Variants in RYR2 observed in about 807,000 individuals in gnomAD.
The protein encoded by RYR2 is cardiac muscle ryanodine receptor-calcium release channel.
RYR2 carries 227 observed loss-of-function variants against 601.1 expected under a neutral mutation model. That is an observed-to-expected ratio of 0.38 (90% CI 0.34 to 0.42). The LOEUF (loss-of-function observed/expected upper bound fraction) is 0.42, where lower values mean the gene tolerates loss of function less well. RYR2 is among the 10% of genes least tolerant of loss of function. RYR2 has a pLI of 1.00. For missense variants in RYR2, 4,646 were observed against 6,156.5 expected (o/e 0.75, Z 8.21); for synonymous variants, 2,223 against 2,175.1 (o/e 1.02, Z -0.61).
At chr1:237,427,507 C>T (rs1318435525) in intron 12 of RYR2, among the ~76,000 whole-genome samples, 1 of 151,930 alleles carries the variant, frequency 6.6e-6, no homozygotes, top group East Asian at 1.9e-4. Flanking sequence ...AAAATACAAA[C>T]AGGCCAGGTG....
intron 1 of RYR2, among the ~76,000 whole-genome samples, chr1:237,181,950 C>T (rs752790406): frequency 2.6e-4 from 39 of 152,064 alleles, no homozygotes; most frequent in Non-Finnish European, 4.9e-4. Flanking sequence ...AGAACGAGTA[C>T]GTGTTAAATT....
chr1:237,144,279 A>G (rs1428486276), intron 1 of RYR2, among the ~76,000 whole-genome samples: 1 of 152,212 alleles, frequency 6.6e-6, no homozygotes, highest in Non-Finnish European at 1.5e-5. Flanking sequence ...ACTCCTTAAG[A>G]AAGAGGACTC....
intron 11 of RYR2, among the ~76,000 whole-genome samples, chr1:237,422,183 A>G (rs181495246): frequency 2.6e-5 from 4 of 152,328 alleles, no homozygotes; most frequent in African/African-American, 9.6e-5. Context: ...GTGCAAAGCA[A>G]GAACAGCTTG....
In RYR2 at chr1:237,284,706, A is replaced by AC. The variant is rs572359002; in HGVS notation, c.168+14097dup. 3.6e-3 allele frequency among the ~76,000 whole-genome samples: 534 copies of AC among 148,362 alleles called. 5 individuals are homozygous for AC. The highest frequency in any genetic ancestry group is 0.012 in the African/African-American group (502 of 40,306). On this transcript the variant is annotated intron_variant, in intron 2 of 104. Coordinates refer to ENST00000366574, the MANE Select transcript of RYR2 (RefSeq NM_001035.3). Reference sequence around the variant, plus strand: ...TGTACACACACACACACCCATAAACACCCCCCCACACACACAGCACAGTTT... The same window carrying AC: ...TGTACACACACACACACCCATAAACACCCCCCCCACACACACAGCACAGTTT...
chr1:237,673,316 A>AT (rs1211345537), intron 58 of RYR2, among the ~76,000 whole-genome samples: 2 of 152,140 alleles, frequency 1.3e-5, no homozygotes, highest in East Asian at 3.9e-4. Context: ...TAACAGTTTA[A>AT]TTTTTTTATA....
chr1:237,780,874 C>T (rs1477845915), intron 88 of RYR2, among the ~76,000 whole-genome samples: 1 of 151,976 alleles, frequency 6.6e-6, no homozygotes, highest in Admixed American at 6.5e-5. Flanking sequence ...TTGATTTTTA[C>T]ATAATAGCAC....
At chr1:237,724,490 A>G (rs1440922955) in intron 74 of RYR2, among the ~76,000 whole-genome samples, 1 of 151,722 alleles carries the variant, frequency 6.6e-6, no homozygotes, top group Non-Finnish European at 1.5e-5. Context: ...ATTTATCACT[A>G]CACTTGATGA....
At chr1:237,164,338 G>A (rs1009884931) in intron 1 of RYR2, among the ~76,000 whole-genome samples, 2 of 152,224 alleles carry the variant, frequency 1.3e-5, no homozygotes, top group Non-Finnish European at 2.9e-5. Context: ...ATGCTGATTT[G>A]TTAACTGATG....
chr1:237,160,773 C>T (rs1033760809), intron 1 of RYR2, among the ~76,000 whole-genome samples: 5 of 151,454 alleles, frequency 3.3e-5, no homozygotes, highest in African/African-American at 1.2e-4. Context: ...AAAAAAAACC[C>T]AAAAGAACTA....
chr1:237,299,622 T>C (rs576237727), intron 2 of RYR2, among the ~76,000 whole-genome samples: 1 of 152,318 alleles, frequency 6.6e-6, no homozygotes, highest in East Asian at 1.9e-4. Context: ...TGGATCTAAG[T>C]ATATTATCCC....
chr1:237,691,752 G>A (rs544065067), intron 63 of RYR2, among the ~76,000 whole-genome samples: 1 of 152,256 alleles, frequency 6.6e-6, no homozygotes, highest in South Asian at 2.1e-4. Flanking sequence ...AAAGAAAATA[G>A]CTTCTTGTCT....
At chr1:237,363,126 C>T (rs1699918157) in intron 4 of RYR2, among the ~76,000 whole-genome samples, 1 of 151,668 alleles carries the variant, frequency 6.6e-6, no homozygotes, top group Non-Finnish European at 1.5e-5. Context: ...TCTTCACAAA[C>T]CATGTGCTGT....
intron 1 of RYR2, among the ~76,000 whole-genome samples, chr1:237,149,408 A>G (rs2148805967): frequency 6.6e-6 from 1 of 152,340 alleles, no homozygotes; most frequent in Admixed American, 6.5e-5. Flanking sequence ...TGAGAAGTAC[A>G]TGGTATGGCT....
intron 81 of RYR2, among the ~76,000 whole-genome samples, chr1:237,757,304 C>G (rs1693039742): frequency 6.6e-6 from 1 of 152,126 alleles, no homozygotes; most frequent in Middle Eastern, 3.4e-3. Context: ...ATATATAATA[C>G]TGTTGAGGGA....
intron 16 of RYR2, among the ~76,000 whole-genome samples, chr1:237,459,073 G>C (rs968948059): frequency 6.6e-6 from 1 of 152,208 alleles, no homozygotes; most frequent in Non-Finnish European, 1.5e-5. Flanking sequence ...TAAAGATTTT[G>C]TGTTGCCAAA....
intron 93 of RYR2, 49 bp downstream of exon 93, chr1:237,791,564 A>C (rs1558422881): frequency 3.2e-6 from 3 of 928,482 alleles, no homozygotes; most frequent in Non-Finnish European, 3.4e-6. Context: ...TCCAAATAGA[A>C]ATGAATGTAA....
At chr1:237,311,247 C>G (rs1694531474) in intron 2 of RYR2, among the ~76,000 whole-genome samples, 1 of 152,136 alleles carries the variant, frequency 6.6e-6, no homozygotes, top group Non-Finnish European at 1.5e-5. Flanking sequence ...TCTCCATTTT[C>G]TAACACAAAT....
At chr1:237,362,603 T>A (rs1489856735) in intron 4 of RYR2, among the ~76,000 whole-genome samples, 1 of 152,208 alleles carries the variant, frequency 6.6e-6, no homozygotes, top group Non-Finnish European at 1.5e-5. Context: ...TCTTTTTTGT[T>A]TTAATGCGCT....
At chr1:237,797,450 A>G (rs938974716) in intron 96 of RYR2, among the ~76,000 whole-genome samples, 2 of 152,146 alleles carry the variant, frequency 1.3e-5, no homozygotes, top group East Asian at 3.9e-4. Flanking sequence ...AGAGAGTTGA[A>G]GGGTTGAAAT....
Sources: allele counts gnomAD v4.1 joint callset (sites outside exome capture counted in the v4.1 genomes callset), GRCh38; gene constraint gnomAD v4.1.1; transcripts MANE v1.5; gene names NCBI Gene and HGNC (gene_info 2026-07-23, HGNC 2026-07-21).